Variants in EVI5 observed in about 807,000 individuals in gnomAD.
EVI5 encodes the protein ecotropic viral integration site 5.
In EVI5, 73 loss-of-function variants were observed where a neutral mutation model predicts 112.0. The ratio of observed to expected loss-of-function variants is 0.65; its 90% confidence interval spans 0.54 to 0.79. The LOEUF (loss-of-function observed/expected upper bound fraction) is 0.79, where lower values mean the gene tolerates loss of function less well. EVI5 is among the 30% of genes least tolerant of loss of function. EVI5 has a pLI of 0.00. For synonymous variants in EVI5, 305 were observed against 319.9 expected (o/e 0.95, Z 0.50); for missense variants, 900 against 968.8 (o/e 0.93, Z 0.94).
At chr1:92,603,398 A>G (rs1396626284) in intron 18 of EVI5, among the ~76,000 whole-genome samples, 1 of 152,216 alleles carries the variant, frequency 6.6e-6, no homozygotes, top group Non-Finnish European at 1.5e-5. Flanking sequence ...GTACACCTGT[A>G]TTCATAGCAG....
chr1:92,674,713 A>C (rs1054641400), intron 10 of EVI5, among the ~76,000 whole-genome samples: 31 of 152,146 alleles, frequency 2.0e-4, no homozygotes, highest in African/African-American at 7.2e-4. Context: ...TCAGTTGAAA[A>C]AAAAATCAGA....
intron 19 of EVI5, among the ~76,000 whole-genome samples, chr1:92,562,204 T>C (rs1668741696): frequency 6.6e-6 from 1 of 152,180 alleles, no homozygotes. Context: ...TAATTGTAAC[T>C]TGTTCTTTCA....
intron 9 of EVI5, among the ~76,000 whole-genome samples, chr1:92,687,159 C>A (rs943691931): frequency 1.3e-5 from 2 of 152,134 alleles, no homozygotes; most frequent in African/African-American, 2.4e-5. Flanking sequence ...GCTACAGTAA[C>A]CAAAACAGCA....
At position 92,755,068 on chromosome 1, in the gene EVI5, GT is replaced by G. The variant is rs3216193; in HGVS notation, c.-81-18442del. 1.4e-3 allele frequency among the ~76,000 whole-genome samples: 46 copies of G among 33,570 alleles called. 1 individual carries two copies. The highest frequency in any genetic ancestry group is 2.5e-3 in the African/African-American group (27 of 10,802). 22.0% of individuals were successfully genotyped at this position (33,570 alleles called of 152,430 possible). On this transcript the variant is annotated intron_variant, in intron 1 of 19. Coordinates refer to ENST00000684568, the MANE Select transcript of EVI5 (RefSeq NM_001350197.2). ...CTTAAGGTGGGTGATGTGAACATAG[GT>G]TTTTTTTTTTTTTTTTTTTTGCATC...
At chr1:92,614,208 G>A (rs1652521557) in intron 16 of EVI5, among the ~76,000 whole-genome samples, 1 of 152,082 alleles carries the variant, frequency 6.6e-6, no homozygotes, top group Non-Finnish European at 1.5e-5. Flanking sequence ...CTAGCAGAAG[G>A]AAAAATGTGC....
At chr1:92,586,175 C>CT (rs1672744737) in intron 18 of EVI5, among the ~76,000 whole-genome samples, 1 of 152,160 alleles carries the variant, frequency 6.6e-6, no homozygotes, top group South Asian at 2.1e-4. Flanking sequence ...TAATCTTAAT[C>CT]ACCTGGCTTA....
At chr1:92,715,932 T>C (rs1455822041) in intron 2 of EVI5, among the ~76,000 whole-genome samples, 2 of 152,042 alleles carry the variant, frequency 1.3e-5, no homozygotes, top group South Asian at 2.1e-4. Context: ...TTGCTGAGGC[T>C]TGAGTAGGTA....
chr1:92,613,278 A>AATTT (rs771766976), intron 16 of EVI5, among the ~76,000 whole-genome samples: 7 of 152,050 alleles, frequency 4.6e-5, no homozygotes, highest in East Asian at 3.9e-4. Flanking sequence ...CCTAAGACTG[A>AATTT]ATTTATTTAT....
chr1:92,685,262 G>A (rs974497487), intron 9 of EVI5, among the ~76,000 whole-genome samples: 11 of 151,972 alleles, frequency 7.2e-5, no homozygotes, highest in Middle Eastern at 3.2e-3. Context: ...CACTCAAAAC[G>A]CACAACTATA....
chr1:92,629,921 G>T (rs776222173), intron 14 of EVI5, among the ~76,000 whole-genome samples: 1 of 150,770 alleles, frequency 6.6e-6, no homozygotes, highest in Non-Finnish European at 1.5e-5. Context: ...GTGGTGTTTG[G>T]TATTTTGTCC....
At chr1:92,551,173 C>T (rs575289359) in intron 19 of EVI5, among the ~76,000 whole-genome samples, 145 of 150,472 alleles carry the variant, frequency 9.6e-4, no homozygotes, top group Non-Finnish European at 1.4e-3. Flanking sequence ...TCCCAGGTAG[C>T]TGGGACTACA....
chr1:92,709,460 T>C (rs943294269), intron 2 of EVI5, among the ~76,000 whole-genome samples: 4 of 152,184 alleles, frequency 2.6e-5, no homozygotes, highest in African/African-American at 9.7e-5. Context: ...CTTCTGAACT[T>C]TTTAAAACCG....
At chr1:92,595,439 T>G (rs1182201850) in intron 18 of EVI5, among the ~76,000 whole-genome samples, 1 of 152,066 alleles carries the variant, frequency 6.6e-6, no homozygotes, top group Non-Finnish European at 1.5e-5. Flanking sequence ...GTTGGAGGGA[T>G]AGCATTAGGA....
At chr1:92,529,685 C>T (rs921430702) in intron 19 of EVI5, among the ~76,000 whole-genome samples, 1 of 152,132 alleles carries the variant, frequency 6.6e-6, no homozygotes, top group African/African-American at 2.4e-5. Flanking sequence ...AATAGAAAGA[C>T]TAGCCAGAAC....
chr1:92,662,961 A>AG (rs1664276701), intron 12 of EVI5, 96 bp from the exon 13 acceptor site: 1 of 563,562 alleles, frequency 1.8e-6, no homozygotes, highest in Admixed American at 5.6e-5. Context: ...ACATGTTAAA[A>AG]AAAAAAAAAA....
At chr1:92,569,874 AAAAG>A (rs1400411868) in intron 18 of EVI5, among the ~76,000 whole-genome samples, 4 of 149,260 alleles carry the variant, frequency 2.7e-5, no homozygotes, top group Non-Finnish European at 6.0e-5. Context: ...AAAAAAAAAA[AAAAG>A]AAATATTTCA....
chr1:92,790,034 A>G (rs1258222638), upstream of EVI5, among the ~76,000 whole-genome samples: 1 of 152,152 alleles, frequency 6.6e-6, no homozygotes, highest in African/African-American at 2.4e-5. Context: ...AAATTAAGCC[A>G]GGCATGGTGG....
chr1:92,773,107 G>A (rs1354168355), intron 1 of EVI5, among the ~76,000 whole-genome samples: 1 of 150,522 alleles, frequency 6.6e-6, no homozygotes, highest in African/African-American at 2.4e-5. Context: ...TCGGGAGGCT[G>A]AGCCAGGAGA....
chr1:92,688,493 C>G (rs1012130666), intron 9 of EVI5, among the ~76,000 whole-genome samples: 1 of 152,194 alleles, frequency 6.6e-6, no homozygotes, highest in Non-Finnish European at 1.5e-5. Flanking sequence ...TTTGGAGCCA[C>G]AGAGATTTTT....
Sources: gnomAD v4.1 joint callset for allele counts (sites outside exome capture counted in the v4.1 genomes callset) on GRCh38, gnomAD v4.1.1 for gene constraint, MANE v1.5 for transcripts, NCBI Gene and HGNC (gene_info 2026-07-23, HGNC 2026-07-21) for gene names.